The following PDE7B variants were observed in gnomAD, a reference collection of about 807,000 sequenced individuals.
The protein encoded by PDE7B is phosphodiesterase 7B.
Under a neutral mutation model 56.2 loss-of-function variants are expected in PDE7B, and 29 were observed. That is an observed-to-expected ratio of 0.52 (90% CI 0.38 to 0.70). The LOEUF is 0.70. Among genes scored for constraint, PDE7B ranks in the 30% least tolerant of loss-of-function variants. PDE7B has a pLI of 0.00. For missense variants in PDE7B, 490 were observed against 565.0 expected (o/e 0.87, Z 1.35); for synonymous variants, 197 against 196.9 (o/e 1.00, Z 0.00).
chr6:136,001,018 C>G (rs150419469), intron 2 of PDE7B, among the ~76,000 whole-genome samples: 4,559 of 152,304 alleles, frequency 0.03, 221 homozygotes, highest in African/African-American at 0.1. Flanking sequence ...GAGGAACAAT[C>G]AGACAGCAGC....
intron 1 of PDE7B, among the ~76,000 whole-genome samples, chr6:135,871,480 G>C (rs1298661509): frequency 6.6e-6 from 1 of 152,168 alleles, no homozygotes; most frequent in African/African-American, 2.4e-5. Flanking sequence ...TCTTATTTGG[G>C]CTCAGCAAAG....
At chr6:135,955,499 T>G (rs1774776630) in intron 2 of PDE7B, among the ~76,000 whole-genome samples, 1 of 151,492 alleles carries the variant, frequency 6.6e-6, no homozygotes, top group Non-Finnish European at 1.5e-5. Flanking sequence ...GAAAATAGAG[T>G]AAGAGGAATG....
chr6:135,967,474 T>C (rs1775014857), intron 2 of PDE7B, among the ~76,000 whole-genome samples: 1 of 152,170 alleles, frequency 6.6e-6, no homozygotes. Flanking sequence ...AAATGACTAA[T>C]TGAATAGAAT....
chr6:136,136,633 A>G (rs1165578339), intron 3 of PDE7B, among the ~76,000 whole-genome samples: 2 of 152,082 alleles, frequency 1.3e-5, no homozygotes, highest in African/African-American at 2.4e-5. Flanking sequence ...CCATGATGTC[A>G]TATTACACAT....
In PDE7B at chr6:136,056,720, C is replaced by T. The variant is rs557691208; in HGVS notation, c.83-52011C>T. On this transcript the variant is annotated intron_variant, in intron 2 of 12. Transcript: ENST00000308191. ...CTAATTTTTGTATTTTTAGTAGAGA[C>T]GGGGTTTTGCCATGTTGGCCAGGCT... Among the ~76,000 whole-genome samples, 138 of 151,424 alleles carry T rather than the reference C, an allele frequency of 9.1e-4. 3 individuals are homozygous for T. The highest frequency in any genetic ancestry group is 2.4e-4 in the Non-Finnish European group (16 of 67,818).
At chr6:135,937,039 G>C (rs1774432799) in intron 1 of PDE7B, among the ~76,000 whole-genome samples, 1 of 152,204 alleles carries the variant, frequency 6.6e-6, no homozygotes, top group East Asian at 1.9e-4. Flanking sequence ...CAACTTGGCT[G>C]ATTGACACAA....
At chr6:136,022,303 T>C (rs1776086046) in intron 2 of PDE7B, among the ~76,000 whole-genome samples, 1 of 152,260 alleles carries the variant, frequency 6.6e-6, no homozygotes, top group Non-Finnish European at 1.5e-5. Flanking sequence ...TTCTCACTAA[T>C]ATGTGAAGTC....
At chr6:136,076,619 A>C (rs1777132588) in intron 2 of PDE7B, among the ~76,000 whole-genome samples, 1 of 152,214 alleles carries the variant, frequency 6.6e-6, no homozygotes, top group Admixed American at 6.5e-5. Flanking sequence ...TATGAGTTGC[A>C]GTTAGACGCC....
chr6:136,025,782 C>A (rs1776140380), intron 2 of PDE7B, among the ~76,000 whole-genome samples: 1 of 152,194 alleles, frequency 6.6e-6, no homozygotes, highest in Non-Finnish European at 1.5e-5. Flanking sequence ...CATCTACTAC[C>A]CCAGGACAGA....
At chr6:136,038,010 C>G (rs1359413979) in intron 2 of PDE7B, 6 of 1,295,490 alleles carry the variant, frequency 4.6e-6, no homozygotes, top group Non-Finnish European at 1.0e-6. Context: ...AGTACAGTAA[C>G]AGTTTCTCAC....
At chr6:136,082,271 C>T (rs376103426) in intron 2 of PDE7B, among the ~76,000 whole-genome samples, 1 of 152,130 alleles carries the variant, frequency 6.6e-6, no homozygotes, top group East Asian at 1.9e-4. Context: ...GTTGCCTCTC[C>T]CATTGGGCAT....
intron 2 of PDE7B, among the ~76,000 whole-genome samples, chr6:136,100,560 G>C (rs765769891): frequency 6.6e-6 from 1 of 151,990 alleles, no homozygotes; most frequent in Non-Finnish European, 1.5e-5. Context: ...TCATGATTTA[G>C]TTCTCTGTTT....
At chr6:135,969,794 C>T (rs187212566) in intron 2 of PDE7B, among the ~76,000 whole-genome samples, 30 of 152,282 alleles carry the variant, frequency 2.0e-4, no homozygotes, top group Non-Finnish European at 3.7e-4. Context: ...GCAAAAGAAA[C>T]TATCATCAGC....
At chr6:136,177,010 G>GAT (rs1778988257) in intron 9 of PDE7B, among the ~76,000 whole-genome samples, 1 of 151,572 alleles carries the variant, frequency 6.6e-6, no homozygotes, top group Non-Finnish European at 1.5e-5. Flanking sequence ...CTGGATTAAA[G>GAT]ATGTAGTATG....
chr6:136,066,211 A>G (rs1165047416), intron 2 of PDE7B, among the ~76,000 whole-genome samples: 1 of 152,188 alleles, frequency 6.6e-6, no homozygotes, highest in East Asian at 1.9e-4. Flanking sequence ...CCATAATATT[A>G]TACTTAATGC....
intron 2 of PDE7B, among the ~76,000 whole-genome samples, chr6:135,956,342 A>C (rs1488325322): frequency 6.6e-6 from 1 of 152,206 alleles, no homozygotes; most frequent in Non-Finnish European, 1.5e-5. Flanking sequence ...GTAGAGGTCA[A>C]ATGAGATAAA....
intron 2 of PDE7B, among the ~76,000 whole-genome samples, chr6:135,959,541 G>T (rs1327181958): frequency 6.6e-6 from 1 of 152,064 alleles, no homozygotes; most frequent in Non-Finnish European, 1.5e-5. Context: ...ATTGTTTATA[G>T]AATGGGTTTG....
At chr6:136,185,183 A>T (rs1779125045) in intron 11 of PDE7B, among the ~76,000 whole-genome samples, 1 of 152,158 alleles carries the variant, frequency 6.6e-6, no homozygotes, top group Non-Finnish European at 1.5e-5. Flanking sequence ...AGCCCGAATG[A>T]TTTCCTCACT....
At chr6:136,000,905 T>TCCCTGAC (rs1412205182) in intron 2 of PDE7B, among the ~76,000 whole-genome samples, 1 of 152,090 alleles carries the variant, frequency 6.6e-6, no homozygotes, top group Non-Finnish European at 1.5e-5. Context: ...CTCAAGTGGG[T>TCCCTGAC]CCCTGACCCC....
Sources: gnomAD v4.1 joint callset for allele counts (sites outside exome capture counted in the v4.1 genomes callset) on GRCh38, gnomAD v4.1.1 for gene constraint, MANE v1.5 for transcripts, NCBI Gene and HGNC (gene_info 2026-07-23, HGNC 2026-07-21) for gene names.